The following PLCL2 variants were observed in gnomAD, a reference collection of about 807,000 sequenced individuals.
The protein encoded by PLCL2 is phospholipase C like 2, also known as inactive phospholipase C-like protein 2.
In PLCL2, 4 loss-of-function variants were observed where a neutral mutation model predicts 79.6. That is an observed-to-expected ratio of 0.05 (90% confidence interval 0.02 to 0.11). The LOEUF (loss-of-function observed/expected upper bound fraction) is 0.11. Among genes scored for constraint, PLCL2 ranks in the 10% least tolerant of loss-of-function variants. The pLI is 1.00. For missense variants in PLCL2, 895 were observed against 1,291.0 expected, an observed-to-expected ratio of 0.69 and a Z score of 4.70; for synonymous variants, 484 against 457.7, an observed-to-expected ratio of 1.06 and a Z score of -0.73.
chr3:16,963,591 T>C (rs192381869), intron 1 of PLCL2, among the ~76,000 whole-genome samples: 2 of 152,204 alleles, frequency 1.3e-5, no homozygotes, highest in African/African-American at 4.8e-5. Context: ...CTCATCCTTG[T>C]GACTGAATTC....
At chr3:17,080,448 A>T (rs2065151321) in intron 5 of PLCL2, among the ~76,000 whole-genome samples, 1 of 152,080 alleles carries the variant, frequency 6.6e-6, no homozygotes, top group Non-Finnish European at 1.5e-5. Flanking sequence ...CCTACAATCC[A>T]TTCATTCTTC....
chr3:17,090,191 A>T lies in PLCL2; in HGVS notation c.*279A>T. On this transcript the variant is annotated 3_prime_UTR_variant, in exon 6 of 6. Transcript: ENST00000615277. ...GTTCCAGTATGAAGAAAGATTATTC[A>T]CTCTAGCTCCACTGAGAAACATTTT... The T allele has an allele frequency of 1.8e-6, 2 of 1,092,622 alleles. No homozygotes were observed. The highest frequency in any genetic ancestry group is 2.2e-6 in the Non-Finnish European group (2 of 898,316). The allele number at this position is 1,092,622 out of a possible 1,614,324, so 67.7% of individuals were successfully genotyped here.
chr3:16,963,586 C>T (rs1390460394), intron 1 of PLCL2, among the ~76,000 whole-genome samples: 1 of 152,070 alleles, frequency 6.6e-6, no homozygotes, highest in East Asian at 1.9e-4. Context: ...ATTTTCTCAT[C>T]CTTGTGACTG....
At chr3:16,914,055 G>C (rs1696939564) in intron 1 of PLCL2, among the ~76,000 whole-genome samples, 1 of 152,176 alleles carries the variant, frequency 6.6e-6, no homozygotes, top group Admixed American at 6.5e-5. Flanking sequence ...TTTTAAATTT[G>C]TGGCTCTAAA....
chr3:16,918,309 G>A (rs1277591759), intron 1 of PLCL2, among the ~76,000 whole-genome samples: 1 of 152,146 alleles, frequency 6.6e-6, no homozygotes, highest in Non-Finnish European at 1.5e-5. Flanking sequence ...CATTTTTTAA[G>A]TAGCTGGTTA....
intron 1 of PLCL2, among the ~76,000 whole-genome samples, chr3:16,969,365 C>G (rs1325350349): frequency 7.9e-5 from 12 of 152,110 alleles, no homozygotes; most frequent in Admixed American, 6.6e-4. Context: ...GTGAATCTCT[C>G]TGGTCCTGGG....
chr3:17,071,142 C>G (rs578046395), intron 5 of PLCL2, among the ~76,000 whole-genome samples: 1 of 152,168 alleles, frequency 6.6e-6, no homozygotes, highest in Non-Finnish European at 1.5e-5. Context: ...TCATTTGAAC[C>G]ATAAGGAGGT....
At position 17,011,873 on chromosome 3, in the gene PLCL2, G is replaced by A. The variant is rs759132763; in HGVS notation, c.2527G>A (p.Gly843Ser). The A allele has an allele frequency of 1.9e-6, 3 of 1,614,166 alleles. No individual in the cohort carries two copies. The highest frequency in any genetic ancestry group is 1.6e-4 in the Middle Eastern group (1 of 6,062). ...TGACTACATTGGGGATGAATTCATCGGCCAGTACACAATTCCCTTTGAATG... is the reference window on the plus strand; with the variant it reads ...TGACTACATTGGGGATGAATTCATCAGCCAGTACACAATTCCCTTTGAATG... The part of the protein sequence containing the change: ...DDDYIGDEFI[G>S]QYTIPFECLQ... Residue 843 changes from glycine (G) to serine (S), a missense_variant, in exon 2 of 6, where the codon GGC (glycine) becomes AGC (serine). Gly to Ser is a moderately conservative substitution (Grantham distance 56). Coordinates refer to ENST00000615277, the MANE Select transcript of PLCL2 (RefSeq NM_001144382.2). This position sits in a 1 kb window ranked among gnomAD's most constrained non-coding sequence, Gnocchi z 7.9.
At chr3:16,953,219 G>A (rs1018387944) in intron 1 of PLCL2, among the ~76,000 whole-genome samples, 18 of 152,046 alleles carry the variant, frequency 1.2e-4, no homozygotes, top group African/African-American at 4.1e-4. Context: ...GGGTGGTTGT[G>A]CATACATCAC....
At chr3:16,891,279 G>A (rs778756068) in intron 1 of PLCL2, among the ~76,000 whole-genome samples, 8 of 152,172 alleles carry the variant, frequency 5.3e-5, no homozygotes, top group Non-Finnish European at 7.3e-5. Flanking sequence ...AAAACAGGTA[G>A]AATAAAACCT....
chr3:16,916,046 C>T (rs1302451086), intron 1 of PLCL2, among the ~76,000 whole-genome samples: 1 of 152,142 alleles, frequency 6.6e-6, no homozygotes, highest in African/African-American at 2.4e-5. Flanking sequence ...AGTAAGGGCC[C>T]ATAATCTTAA....
intron 4 of PLCL2, among the ~76,000 whole-genome samples, chr3:17,060,853 A>G (rs2064945323): frequency 1.3e-5 from 2 of 152,170 alleles, no homozygotes; most frequent in African/African-American, 4.8e-5. Context: ...TAAATTAAAA[A>G]TATAAATATA....
chr3:16,906,320 G>A (rs965716998), intron 1 of PLCL2, among the ~76,000 whole-genome samples: 2 of 152,040 alleles, frequency 1.3e-5, no homozygotes, highest in African/African-American at 2.4e-5. Flanking sequence ...GGAAGATGTG[G>A]AATATACAAG....
At chr3:17,006,029 TG>T (rs1019407507) in intron 1 of PLCL2, among the ~76,000 whole-genome samples, 82 of 152,352 alleles carry the variant, frequency 5.4e-4, no homozygotes, top group African/African-American at 1.8e-3. Context: ...TTTTTTCCTC[TG>T]GTTTTAGATG....
chr3:17,044,157 T>C (rs1384260448), intron 4 of PLCL2: 4 of 152,228 alleles, frequency 2.6e-5, no homozygotes, highest in Admixed American at 6.5e-5. Context: ...CTGACCATAA[T>C]AGCTGTGTGC....
chr3:16,952,389 A>AAAAAAC (rs2063663020), intron 1 of PLCL2, among the ~76,000 whole-genome samples: 2 of 146,268 alleles, frequency 1.4e-5, no homozygotes, highest in African/African-American at 2.6e-5. Context: ...AAAAAAAAAA[A>AAAAAAC]AAGAACCTGT....
chr3:17,011,216 A>G lies in PLCL2; in HGVS notation c.1870A>G (p.Ile624Val), dbSNP rs1213982537. Residue 624 changes from isoleucine (I) to valine (V), a missense_variant, in exon 2 of 6, where the codon ATC (isoleucine) becomes GTC (valine). Ile to Val is a conservative substitution (Grantham distance 29, BLOSUM62 3). Coordinates refer to ENST00000615277, the MANE Select transcript of PLCL2 (RefSeq NM_001144382.2). The surrounding 1 kb of genome is among the most constrained non-coding windows in gnomAD (Gnocchi z 7.9). ...LCKELSELVSICKSVQFKEFQ... is the reference protein window; with the variant it reads ...LCKELSELVSVCKSVQFKEFQ... ...TAAAGAACTGTCTGAACTGGTCAGC[A>G]TCTGCAAATCAGTTCAGTTCAAAGA... 1.2e-6 allele frequency: 2 copies of G among 1,614,244 alleles called. No individual in the cohort carries two copies. The highest frequency in any genetic ancestry group is 2.2e-5 in the South Asian group (2 of 91,088).
chr3:17,064,630 A>T (rs1280905294), intron 4 of PLCL2, among the ~76,000 whole-genome samples: 1 of 152,094 alleles, frequency 6.6e-6, no homozygotes, highest in Non-Finnish European at 1.5e-5. Flanking sequence ...CAATCAATAT[A>T]TGCTTCAAAT....
chr3:17,080,351 G>A (rs1030752991), intron 5 of PLCL2, among the ~76,000 whole-genome samples: 2 of 152,260 alleles, frequency 1.3e-5, no homozygotes, highest in East Asian at 1.9e-4. Context: ...AATGTGCCAC[G>A]ATCTCAGCCA....
Sources: allele counts gnomAD v4.1 joint callset (sites outside exome capture counted in the v4.1 genomes callset), GRCh38; gene constraint gnomAD v4.1.1; non-coding constraint Gnocchi (gnomAD v3.1); transcripts MANE v1.5; gene names NCBI Gene and HGNC (gene_info 2026-07-23, HGNC 2026-07-21).